Variants in OCM observed in about 807,000 individuals in gnomAD.
OCM encodes oncomodulin-1.
Under a neutral mutation model 14.1 loss-of-function variants are expected in OCM, and 18 were observed. That is an observed-to-expected ratio of 1.28 (90% CI 0.88 to 1.89). OCM has a LOEUF of 1.89. Among genes scored for constraint, OCM ranks in the 40% most tolerant of loss-of-function variants. The pLI, the probability that OCM is intolerant of heterozygous loss-of-function variation, is 0.00. For missense variants in OCM, 140 were observed against 137.6 expected, an observed-to-expected ratio of 1.02 and a Z score of -0.09; for synonymous variants, 48 against 51.0, an observed-to-expected ratio of 0.94 and a Z score of 0.25.
At chr7:5,880,756 C>T (rs1482842825), upstream of OCM, 14 of 769,652 alleles carry the variant, frequency 1.8e-5, no homozygotes, top group Non-Finnish European at 2.6e-5. Context: ...GAGACTCCGT[C>T]TTAATTTAAA....
the OCM span, among the ~76,000 whole-genome samples, chr7:5,865,560 A>G: frequency 6.6e-6 from 1 of 152,342 alleles, no homozygotes; most frequent in African/African-American, 2.4e-5. Flanking sequence ...TTGTCAGCCA[A>G]GGTGTTTTTT....
intron 2 of OCM, among the ~76,000 whole-genome samples, chr7:5,883,163 G>A (rs965737629): frequency 1.3e-5 from 2 of 152,000 alleles, no homozygotes; most frequent in Admixed American, 6.6e-5. Flanking sequence ...TTCATGTAAG[G>A]GATTTCCTTT....
the OCM span, among the ~76,000 whole-genome samples, chr7:5,870,942 A>G: frequency 6.6e-6 from 1 of 151,636 alleles, no homozygotes; most frequent in African/African-American, 2.4e-5. Flanking sequence ...GCTGGAGTGC[A>G]ATGGCATGAT....
upstream of OCM, among the ~76,000 whole-genome samples, chr7:5,880,292 T>A (rs1781183153): frequency 6.6e-6 from 1 of 152,184 alleles, no homozygotes; most frequent in African/African-American, 2.4e-5. Flanking sequence ...GTCAGTATAA[T>A]TTTTATAAGA....
intron 3 of OCM, 30 bp from the exon 4 acceptor site, chr7:5,886,034 C>G (rs1337117213): frequency 3.1e-6 from 5 of 1,614,110 alleles, no homozygotes; most frequent in Admixed American, 1.7e-5. Flanking sequence ...GCCACCTCCA[C>G]TGACCCTGTT....
intron 2 of OCM, 52 bp from the exon 3 acceptor site, chr7:5,883,838 C>T: frequency 6.2e-7 from 1 of 1,608,210 alleles, no homozygotes; most frequent in Non-Finnish European, 8.5e-7. Context: ...AGTGTAAACA[C>T]AGAGATGCAT....
At chr7:5,865,182 C>T in the OCM span, among the ~76,000 whole-genome samples, 29 of 151,908 alleles carry the variant, frequency 1.9e-4, no homozygotes, top group Non-Finnish European at 2.9e-4. Flanking sequence ...TCGGGGCCGA[C>T]GAGTAGTGTG....
chr7:5,872,054 A>G, the OCM span: 1 of 152,186 alleles, frequency 6.6e-6, no homozygotes, highest in Non-Finnish European at 1.5e-5. Flanking sequence ...GCCCGGCAGG[A>G]CTTGCATTTT....
the OCM span, among the ~76,000 whole-genome samples, chr7:5,864,543 T>G: frequency 6.6e-6 from 1 of 152,228 alleles, no homozygotes; most frequent in East Asian, 1.9e-4. Flanking sequence ...AAGCTCAACT[T>G]TTTTAAGATG....
chr7:5,885,927 G>C, intron 3 of OCM, 137 bp from the exon 4 acceptor site: 1 of 653,182 alleles, frequency 1.5e-6, no homozygotes, highest in South Asian at 1.9e-5. Flanking sequence ...TTTCTTTTGT[G>C]CCCTCCAAGG....
At chr7:5,869,745 C>T in the OCM span, among the ~76,000 whole-genome samples, 2 of 152,156 alleles carry the variant, frequency 1.3e-5, no homozygotes, top group South Asian at 2.1e-4. Context: ...TACCCAGCAA[C>T]AACTCACCGC....
intron 1 of OCM, among the ~76,000 whole-genome samples, chr7:5,882,085 CAAAAAAAAAA>C (rs60321561): frequency 7.8e-4 from 36 of 45,944 alleles, no homozygotes; most frequent in African/African-American, 2.5e-3. Flanking sequence ...GACTCTGTCT[CAAAAAAAAAA>C]AAAAAAAAAA....
At chr7:5,885,327 T>C (rs1562531644) in intron 3 of OCM, among the ~76,000 whole-genome samples, 1 of 151,996 alleles carries the variant, frequency 6.6e-6, no homozygotes, top group Non-Finnish European at 1.5e-5. Flanking sequence ...ATCAAATATA[T>C]CCTAAAAATG....
At chr7:5,872,222 C>T in the OCM span, among the ~76,000 whole-genome samples, 1 of 152,152 alleles carries the variant, frequency 6.6e-6, no homozygotes, top group Non-Finnish European at 1.5e-5. Context: ...TAGACGGGGT[C>T]TGTGTGTTCC....
upstream of OCM, among the ~76,000 whole-genome samples, chr7:5,879,406 C>T (rs1418645510): frequency 6.6e-6 from 1 of 152,102 alleles, no homozygotes; most frequent in African/African-American, 2.4e-5. Flanking sequence ...TCTCCTGTGC[C>T]GGGTGAGACC....
chr7:5,868,027 C>T, the OCM span, among the ~76,000 whole-genome samples: 5 of 152,062 alleles, frequency 3.3e-5, no homozygotes, highest in African/African-American at 7.2e-5. Flanking sequence ...AGTGAGCCAC[C>T]GCACCCGGCA....
chr7:5,880,474 A>G (rs1781186991), upstream of OCM, among the ~76,000 whole-genome samples: 1 of 151,964 alleles, frequency 6.6e-6, no homozygotes, highest in Admixed American at 6.6e-5. Context: ...AAAATTCTAG[A>G]CAGGCCTGGC....
chr7:5,860,763 T>C, the OCM span, among the ~76,000 whole-genome samples: 1 of 146,452 alleles, frequency 6.8e-6, no homozygotes, highest in Non-Finnish European at 1.5e-5. Flanking sequence ...TACGTATATA[T>C]ATATTCGTAT....
rs143715386 is a variant in OCM at position 5,883,500 on chromosome 7, A to G, written c.195-390A>G. Among the ~76,000 whole-genome samples, 154 of 152,262 alleles carry G rather than the reference A, an allele frequency of 1.0e-3. 1 individual carries two copies. The highest frequency in any genetic ancestry group is 3.4e-3 in the African/African-American group (142 of 41,544). On this transcript the variant is annotated intron_variant, in intron 2 of 3. Coordinates refer to ENST00000242104, the MANE Select transcript of OCM (RefSeq NM_001097622.2). ...GGGGTTCCAGACCAGTCTGGGGAAC[A>G]TGACAAAACCTTGTCTCTACAAAAA...
Sources: allele counts gnomAD v4.1 joint callset (sites outside exome capture counted in the v4.1 genomes callset), GRCh38; gene constraint gnomAD v4.1.1; transcripts MANE v1.5; gene names NCBI Gene and HGNC (gene_info 2026-07-23, HGNC 2026-07-21).